Variants in GAB4 observed in about 807,000 individuals in gnomAD.
GAB4 encodes the protein GRB2-associated-binding protein 4.
GAB4 carries 26 observed loss-of-function variants against 51.3 expected under a neutral mutation model. The ratio of observed to expected loss-of-function variants is 0.51; its 90% confidence interval spans 0.37 to 0.70. GAB4 has a LOEUF of 0.70. GAB4 is among the 30% of genes least tolerant of loss of function. The probability of loss-of-function intolerance (pLI) is 0.00; values close to 1 mark genes in which losing one functional copy is unlikely to be tolerated. For missense variants in GAB4, 759 were observed against 734.6 expected (o/e 1.03, Z -0.38); for synonymous variants, 329 against 291.2 (o/e 1.13, Z -1.32).
chr22:16,982,797 T>C (rs1329845537), intron 3 of GAB4, among the ~76,000 whole-genome samples: 1 of 152,190 alleles, frequency 6.6e-6, no homozygotes, highest in Non-Finnish European at 1.5e-5. Context: ...AGGGCTTGCA[T>C]GTCTGACATA....
intron 1 of GAB4, among the ~76,000 whole-genome samples, chr22:17,001,606 T>G (rs2060998003): frequency 6.6e-6 from 1 of 152,182 alleles, no homozygotes; most frequent in South Asian, 2.1e-4. Context: ...CTCGGAGAAG[T>G]TCATTATTAC....
intron 1 of GAB4, among the ~76,000 whole-genome samples, chr22:16,999,382 T>C (rs1480442480): frequency 6.6e-6 from 1 of 152,214 alleles, no homozygotes; most frequent in Non-Finnish European, 1.5e-5. Flanking sequence ...GGTGCATGTG[T>C]CCAGGAATTT....
At chr22:16,988,307 G>GCCCCA in intron 2 of GAB4, 140 bp from the exon 3 acceptor site, 1 of 681,096 alleles carries the variant, frequency 1.5e-6, no homozygotes, top group Non-Finnish European at 2.6e-6. Context: ...CCCAGAGGAG[G>GCCCCA]GCTGGGGCCT....
chr22:16,963,715 C>A lies in GAB4; in HGVS notation c.1581+10G>T, dbSNP rs572120567. 6 of 1,607,128 alleles carry A rather than the reference C, an allele frequency of 3.7e-6. No homozygotes were observed. Among genetic ancestry groups the A allele is most frequent in the Non-Finnish European group, 4.3e-6 (5 of 1,175,102 alleles). ...AGGGCTCTGCCCAACCCCAGCTCCA[C>A]CCCAGGCACCTTGCTCGGCTGGAAG... On this transcript the variant is annotated intron_variant, in intron 9 of 9. Transcript: ENST00000400588.
At chr22:17,006,712 T>C (rs1300039910) in intron 1 of GAB4, among the ~76,000 whole-genome samples, 1 of 152,204 alleles carries the variant, frequency 6.6e-6, no homozygotes, top group African/African-American at 2.4e-5. Context: ...TACAGGGACA[T>C]GGATGAAGCT....
intron 5 of GAB4, 104 bp downstream of exon 5, chr22:16,968,194 G>T: frequency 1.2e-6 from 1 of 818,478 alleles, no homozygotes. Context: ...AGCCTCCTAG[G>T]AGGGAGATGC....
chr22:16,969,839 C>T, intron 4 of GAB4, 104 bp downstream of exon 4: 1 of 1,355,860 alleles, frequency 7.4e-7, no homozygotes, highest in Non-Finnish European at 1.0e-6. Context: ...TCCTAGGAAT[C>T]TGGTGCACTG....
chr22:16,997,370 T>G (rs2060958479), intron 1 of GAB4, among the ~76,000 whole-genome samples: 2 of 152,220 alleles, frequency 1.3e-5, no homozygotes, highest in African/African-American at 4.8e-5. Context: ...CTTGTGGTTT[T>G]GATTTGCATT....
At chr22:16,989,204 ACTT>A (rs1334555832) in intron 2 of GAB4, among the ~76,000 whole-genome samples, 1 of 152,190 alleles carries the variant, frequency 6.6e-6, no homozygotes, top group Non-Finnish European at 1.5e-5. Context: ...CAACAGCAAA[ACTT>A]CTTGTTCAAA....
intron 3 of GAB4, among the ~76,000 whole-genome samples, chr22:16,970,429 T>C (rs948157846): frequency 2.1e-4 from 32 of 152,202 alleles, no homozygotes; most frequent in East Asian, 1.9e-4. Context: ...AAAAACTCAC[T>C]TTGCAGGTTG....
chr22:16,962,420 C>T lies in GAB4; in HGVS notation c.*313G>A. 4.5e-6 allele frequency: 1 copy of T among 223,524 alleles called. No individual in the cohort carries two copies. The highest frequency in any genetic ancestry group is 8.7e-6 in the Non-Finnish European group (1 of 114,884). The allele number at this position is 223,524 out of a possible 1,614,324, so 13.8% of individuals were successfully genotyped here. ...CCTCATGTTCCAGGATTGAGGGAAACAGCCCAGAGGCTAGAAGGAAGAGGC... is the reference window on the plus strand; with the variant it reads ...CCTCATGTTCCAGGATTGAGGGAAATAGCCCAGAGGCTAGAAGGAAGAGGC... On this transcript the variant is annotated 3_prime_UTR_variant, in exon 10 of 10. Transcript: ENST00000400588.
intron 1 of GAB4, among the ~76,000 whole-genome samples, chr22:17,003,050 C>T (rs1239046586): frequency 1.3e-5 from 2 of 152,018 alleles, no homozygotes; most frequent in Non-Finnish European, 2.9e-5. Flanking sequence ...TGATAAAACA[C>T]ACTTTAAACC....
In GAB4 at chr22:17,007,603, T is replaced by C. The variant is rs78813487; in HGVS notation, c.174+338A>G. 2.7e-3 allele frequency among the ~76,000 whole-genome samples: 387 copies of C among 145,426 alleles called. 10 individuals are homozygous for C. The East Asian group carries it at 0.073, about 27-fold the overall frequency. ...CGAGGTGCCCGCCATTCTCAGGGCC[T>C]GGGAGGGAAGGGGAGCGGGTGCGAG... On this transcript the variant is annotated intron_variant, in intron 1 of 9. Coordinates refer to ENST00000400588, the MANE Select transcript of GAB4 (RefSeq NM_001037814.1).
intron 6 of GAB4, 63 bp from the exon 7 acceptor site, chr22:16,965,331 T>C (rs2060663755): frequency 7.5e-7 from 1 of 1,332,738 alleles, no homozygotes; most frequent in Non-Finnish European, 1.1e-6. Flanking sequence ...TCCACTTTGC[T>C]ACAAGGCCCA....
chr22:16,983,024 G>A (rs1425133525), intron 3 of GAB4, among the ~76,000 whole-genome samples: 1 of 152,162 alleles, frequency 6.6e-6, no homozygotes, highest in Non-Finnish European at 1.5e-5. Flanking sequence ...CTGGCTCCTT[G>A]CTTCTAGCAT....
rs191679986 is a variant in GAB4 at position 16,984,775 on chromosome 22, G to C, written c.686+3185C>G. 2.2e-4 allele frequency among the ~76,000 whole-genome samples: 33 copies of C among 152,330 alleles called. No homozygotes were observed. In the East Asian group the frequency reaches 6.2e-3, roughly 28 times the overall value. On this transcript the variant is annotated intron_variant, in intron 3 of 9. Coordinates refer to ENST00000400588, the MANE Select transcript of GAB4 (RefSeq NM_001037814.1). ...CACATGTAGCTCAAGGTGAGCATAA[G>C]ACTTGGGTGGTTTCGTGCTCAGAAT...
At position 16,978,901 on chromosome 22, in the gene GAB4, C is replaced by T. The variant is rs191285463; in HGVS notation, c.687-8708G>A. On this transcript the variant is annotated intron_variant, in intron 3 of 9. Coordinates refer to ENST00000400588, the MANE Select transcript of GAB4 (RefSeq NM_001037814.1). ...CATACGAAAATCAATAAATGTAATC[C>T]ATCATATAAACAGAACCAATGACAA... Among the ~76,000 whole-genome samples, 225 of 152,224 alleles carry T rather than the reference C, an allele frequency of 1.5e-3. 1 individual carries two copies. Among genetic ancestry groups the T allele is most frequent in the Admixed American group, 3.3e-3 (51 of 15,300 alleles).
At chr22:16,979,315 A>G (rs1225641352) in intron 3 of GAB4, among the ~76,000 whole-genome samples, 1 of 152,248 alleles carries the variant, frequency 6.6e-6, no homozygotes, top group Non-Finnish European at 1.5e-5. Flanking sequence ...TTAAGCTGAT[A>G]AACAACTTCA....
At chr22:16,973,710 G>T (rs1278076552) in intron 3 of GAB4, among the ~76,000 whole-genome samples, 2 of 152,108 alleles carry the variant, frequency 1.3e-5, no homozygotes, top group African/African-American at 4.8e-5. Context: ...ATAGCACCTG[G>T]GCTCCCATCA....
Sources: gnomAD v4.1 joint callset for allele counts (sites outside exome capture counted in the v4.1 genomes callset) on GRCh38, gnomAD v4.1.1 for gene constraint, MANE v1.5 for transcripts, NCBI Gene and HGNC (gene_info 2026-07-23, HGNC 2026-07-21) for gene names.